P3H2: variants seen among roughly 807,000 people sequenced by gnomAD.
P3H2 encodes leprecan-like 1.
P3H2 carries 80 observed loss-of-function variants against 87.0 expected under a neutral mutation model. The observed-to-expected ratio is 0.92, with a 90% CI of 0.77 to 1.11. The LOEUF (loss-of-function observed/expected upper bound fraction) is 1.11, where lower values mean the gene tolerates loss of function less well. Ranked by LOEUF, P3H2 falls within the 50% of genes least tolerant of loss-of-function variation. The pLI, the probability that P3H2 is intolerant of heterozygous loss-of-function variation, is 0.00. For missense variants in P3H2, 1,001 were observed against 923.9 expected (o/e 1.08, Z -1.08); for synonymous variants, 367 against 359.3 (o/e 1.02, Z -0.24).
chr3:190,043,572 TAA>T (rs1725708441), intron 1 of P3H2, among the ~76,000 whole-genome samples: 1 of 152,218 alleles, frequency 6.6e-6, no homozygotes, highest in Non-Finnish European at 1.5e-5. Flanking sequence ...TATTGAGGTA[TAA>T]CTGGTAAACA....
chr3:189,981,177 T>A (rs1324933400), intron 8 of P3H2, among the ~76,000 whole-genome samples: 2 of 152,230 alleles, frequency 1.3e-5, no homozygotes, highest in Admixed American at 1.3e-4. Context: ...TGGGATGCTC[T>A]AGCAAATTAA....
At position 190,120,551 on chromosome 3, in the gene P3H2, C is replaced by A. The variant is rs763891313; in HGVS notation, c.181G>T (p.Glu61Ter). ...GAAAYYSGDY[E>*]RAVRDLEAAL... ...GCTTCCAAGTCGCGCACCGCTCGCT[C>A]GTAGTCTCCGCTGTAGTAGGCGGCC... is the stretch of plus-strand genomic sequence containing the variant. Residue 61 changes from glutamate to a stop codon, truncating the protein, a stop_gained, in exon 1 of 15, where the codon GAG becomes TAG. Coordinates refer to ENST00000319332, the MANE Select transcript of P3H2 (RefSeq NM_018192.4). LOFTEE classifies it high-confidence loss of function. The A allele has an allele frequency of 6.5e-7, 1 of 1,526,820 alleles. No individual in the cohort carries two copies. The highest frequency in any genetic ancestry group is 1.2e-5 in the South Asian group (1 of 82,510). The allele number at this position is 1,526,820 out of a possible 1,614,324, so 94.6% of individuals were successfully genotyped here. A position where few individuals can be genotyped will look rare whatever the true frequency, so the allele number is the denominator to read the frequency against.
chr3:190,037,207 T>C (rs1047170958), intron 1 of P3H2, among the ~76,000 whole-genome samples: 1 of 151,730 alleles, frequency 6.6e-6, no homozygotes, highest in African/African-American at 2.4e-5. Flanking sequence ...AAGGAGAGCA[T>C]TAAGGTGTAT....
intron 9 of P3H2, 47 bp downstream of exon 9, chr3:189,974,511 C>T (rs370545260): frequency 1.6e-5 from 25 of 1,611,756 alleles, no homozygotes; most frequent in Non-Finnish European, 1.9e-5. Context: ...GTTCCAGCTT[C>T]TTGGCAGGCC....
intron 11 of P3H2, among the ~76,000 whole-genome samples, chr3:189,972,279 C>T (rs959856105): frequency 6.6e-6 from 1 of 152,066 alleles, no homozygotes; most frequent in Non-Finnish European, 1.5e-5. Flanking sequence ...AAATTCCATG[C>T]GTTTCATGGG....
intron 1 of P3H2, among the ~76,000 whole-genome samples, chr3:190,103,477 C>CA (rs1466583426): frequency 2.0e-5 from 3 of 152,108 alleles, no homozygotes; most frequent in Non-Finnish European, 4.4e-5. Context: ...CCATAAATAA[C>CA]ACATTAGGTA....
chr3:189,997,182 C>T (rs186787832), intron 1 of P3H2, among the ~76,000 whole-genome samples: 32 of 152,206 alleles, frequency 2.1e-4, no homozygotes, highest in East Asian at 3.9e-4. Context: ...CCACCATGCC[C>T]GGCTAATTTT....
intron 1 of P3H2, among the ~76,000 whole-genome samples, chr3:190,025,445 A>G (rs1414038864): frequency 6.6e-6 from 1 of 152,144 alleles, no homozygotes; most frequent in Non-Finnish European, 1.5e-5. Context: ...TTAACTGGTA[A>G]TTTAGTAGGT....
Position 190,090,449 on chromosome 3 carries a change from A to C in P3H2, c.480+29803T>G, listed in dbSNP as rs1238416221. On this transcript the variant is annotated intron_variant, in intron 1 of 14. Transcript: ENST00000319332. ...CCGCGCACGGTGGCTCACGCCTGTA[A>C]TCCCAGCACTTTGGGAGGCTGAGGC... Among the ~76,000 whole-genome samples the C allele has an allele frequency of 2.0e-4, 30 of 152,340 alleles. 1 individual carries two copies. Among genetic ancestry groups the C allele is most frequent in the Non-Finnish European group, 1.0e-4 (7 of 68,034 alleles).
chr3:190,025,400 TG>T (rs1310413448), intron 1 of P3H2, among the ~76,000 whole-genome samples: 8 of 152,222 alleles, frequency 5.3e-5, no homozygotes, highest in African/African-American at 1.2e-4. Context: ...TAGTCAAGAC[TG>T]TACACTCTAA....
rs1016510829 is a variant in P3H2, at chr3:190,120,397, G to C, written c.335C>G (p.Ser112Cys). Residue 112 changes from serine (S) to cysteine (C), a missense_variant, in exon 1 of 15, where the codon TCC becomes TGC. Transcript: ENST00000319332. ...GPGAELPLFR[S>C]LLGRARCYRS... ...ATAACAGCGCGCCCGCCCCAACAAG[G>C]AGCGGAAAAGGGGCAGCTCAGCGCC... is the stretch of plus-strand genomic sequence containing the variant. The C allele has an allele frequency of 5.2e-6, 8 of 1,543,478 alleles. No individual in the cohort carries two copies. Among genetic ancestry groups the C allele is most frequent in the Non-Finnish European group, 7.0e-6 (8 of 1,151,044 alleles).
chr3:190,029,718 TG>T, intron 1 of P3H2, among the ~76,000 whole-genome samples: 1 of 152,158 alleles, frequency 6.6e-6, no homozygotes, highest in African/African-American at 2.4e-5. Flanking sequence ...GATAATTTGC[TG>T]GCCAGGCACG....
chr3:190,031,165 C>T (rs1615954), intron 1 of P3H2, among the ~76,000 whole-genome samples: 86,113 of 151,920 alleles, frequency 0.57, 26,732 homozygotes, highest in Admixed American at 0.7. Flanking sequence ...AACAACAAGA[C>T]TAAAATATAT....
intron 1 of P3H2, among the ~76,000 whole-genome samples, chr3:190,084,242 A>C (rs1243768411): frequency 6.6e-6 from 1 of 152,228 alleles, no homozygotes; most frequent in African/African-American, 2.4e-5. Flanking sequence ...ACTATGCCAA[A>C]ACCTCTTCAA....
intron 1 of P3H2, among the ~76,000 whole-genome samples, chr3:190,043,056 AGAGT>A (rs1433566865): frequency 4.6e-5 from 7 of 152,206 alleles, no homozygotes; most frequent in African/African-American, 1.7e-4. Flanking sequence ...GGGTTGTGAG[AGAGT>A]AAGTATAGGA....
At chr3:190,105,890 A>G (rs1711814090) in intron 1 of P3H2, among the ~76,000 whole-genome samples, 1 of 152,174 alleles carries the variant, frequency 6.6e-6, no homozygotes, top group African/African-American at 2.4e-5. Flanking sequence ...AAATTGCTTG[A>G]TTCCTAGACT....
intron 1 of P3H2, among the ~76,000 whole-genome samples, chr3:190,032,037 T>G (rs955139891): frequency 6.6e-6 from 1 of 152,214 alleles, no homozygotes. Flanking sequence ...CAAGAATGAT[T>G]GGACAAGATC....
At chr3:190,000,942 C>T (rs973031951) in intron 1 of P3H2, among the ~76,000 whole-genome samples, 2 of 152,220 alleles carry the variant, frequency 1.3e-5, no homozygotes, top group African/African-American at 2.4e-5. Context: ...CAGAAGAGCA[C>T]TGCAGTAATC....
intron 9 of P3H2, 65 bp downstream of exon 9, chr3:189,974,493 C>A: frequency 6.2e-7 from 1 of 1,603,886 alleles, no homozygotes; most frequent in Non-Finnish European, 8.5e-7. Context: ...GAGACCAGGA[C>A]CAAAGCAGTT....
Sources: gnomAD v4.1 joint callset for allele counts (sites outside exome capture counted in the v4.1 genomes callset) on GRCh38, gnomAD v4.1.1 for gene constraint, MANE v1.5 for transcripts, NCBI Gene and HGNC (gene_info 2026-07-23, HGNC 2026-07-21) for gene names.